The following ANKS1B variants were observed in gnomAD, a reference collection of about 807,000 sequenced individuals.
ANKS1B encodes ankyrin repeat and sterile alpha motif domain containing 1B, also known as ankyrin repeat and sterile alpha motif domain-containing protein 1B.
Under a neutral mutation model 148.3 loss-of-function variants are expected in ANKS1B, and 36 were observed. The observed-to-expected ratio is 0.24, with a 90% CI of 0.19 to 0.32. The LOEUF is 0.32. ANKS1B is among the 10% of genes least tolerant of loss of function. The pLI is 1.00. For synonymous variants in ANKS1B, 542 were observed against 560.8 expected (o/e 0.97, Z 0.47); for missense variants, 1,157 against 1,542.6 (o/e 0.75, Z 4.19).
chr12:99,366,383 C>T (rs971393007), intron 12 of ANKS1B, among the ~76,000 whole-genome samples: 2 of 152,136 alleles, frequency 1.3e-5, no homozygotes, highest in Admixed American at 6.6e-5. Context: ...TAGGTCACCT[C>T]GCTGCCCCCA....
Position 99,947,079 on chromosome 12 carries a change from T to C in ANKS1B, c.134+37025A>G, listed in dbSNP as rs573314855. ...AGGAAGAGTCTTATGCTAACAAAGC[T>C]GCCTAGGAAAATTAAGTTGTACTGC... On this transcript the variant is annotated intron_variant, in intron 1 of 26. Coordinates refer to ENST00000683438, the MANE Select transcript of ANKS1B (RefSeq NM_001352186.2). Among the ~76,000 whole-genome samples, 4 of 152,092 alleles carry C rather than the reference T, an allele frequency of 2.6e-5. No homozygotes were observed. In the East Asian group the frequency reaches 7.7e-4, roughly 29 times the overall value.
At chr12:99,912,820 T>C (rs1406111977) in intron 1 of ANKS1B, among the ~76,000 whole-genome samples, 6 of 152,224 alleles carry the variant, frequency 3.9e-5, no homozygotes, top group African/African-American at 1.2e-4. Context: ...CATATGGCAC[T>C]ATACTGAATG....
At chr12:99,428,241 G>A (rs754722304) in intron 11 of ANKS1B, among the ~76,000 whole-genome samples, 4 of 152,018 alleles carry the variant, frequency 2.6e-5, no homozygotes, top group South Asian at 2.1e-4. Context: ...AAGGTGAGAA[G>A]GGTATCCATC....
rs188316888 is a variant in ANKS1B at position 99,623,094 on chromosome 12, A to G, written c.1272+31973T>C. On this transcript the variant is annotated intron_variant, in intron 9 of 26. Transcript: ENST00000683438. ...CATTCCTGGGATGCAAAGTTGGCTC[A>G]ATATATATAAATCAATAATTGTAAT... Among the ~76,000 whole-genome samples the G allele has an allele frequency of 2.1e-3, 317 of 152,208 alleles. 1 individual carries two copies. Among genetic ancestry groups the G allele is most frequent in the African/African-American group, 7.3e-3 (302 of 41,568 alleles).
chr12:99,179,102 T>G (rs2078776420), intron 14 of ANKS1B, among the ~76,000 whole-genome samples: 1 of 152,054 alleles, frequency 6.6e-6, no homozygotes, highest in Admixed American at 6.6e-5. Context: ...ATTGACTAAG[T>G]GTGATGATAG....
intron 17 of ANKS1B, among the ~76,000 whole-genome samples, chr12:99,045,544 G>C (rs557599580): frequency 6.6e-6 from 1 of 152,300 alleles, no homozygotes; most frequent in African/African-American, 2.4e-5. Flanking sequence ...TGATACCCAG[G>C]TGCCAACACG....
chr12:99,446,384 T>C (rs940413954), intron 10 of ANKS1B, among the ~76,000 whole-genome samples: 6 of 152,110 alleles, frequency 3.9e-5, no homozygotes, highest in African/African-American at 1.4e-4. Context: ...GGGAGTGACA[T>C]AATAATAGAT....
intron 11 of ANKS1B, among the ~76,000 whole-genome samples, chr12:99,440,615 T>C (rs776350393): frequency 6.6e-6 from 1 of 151,784 alleles, no homozygotes; most frequent in Non-Finnish European, 1.5e-5. Flanking sequence ...AAACACAGGA[T>C]GCAGAACTAA....
intron 9 of ANKS1B, among the ~76,000 whole-genome samples, chr12:99,609,164 C>CA (rs1200526807): frequency 6.6e-6 from 1 of 152,062 alleles, no homozygotes; most frequent in African/African-American, 2.4e-5. Context: ...CAGAGAAACT[C>CA]AGACACCTTA....
At chr12:99,657,644 A>AATATAT (rs1195776897) in intron 8 of ANKS1B, among the ~76,000 whole-genome samples, 1 of 90,002 alleles carries the variant, frequency 1.1e-5, no homozygotes, top group East Asian at 4.7e-4. Context: ...AATCTGAAAG[A>AATATAT]GTATATATAT....
At chr12:99,122,993 A>ATATATATATATATATATATATATATATAT (rs57985878) in intron 15 of ANKS1B, among the ~76,000 whole-genome samples, 28 of 138,170 alleles carry the variant, frequency 2.0e-4, no homozygotes, top group South Asian at 9.3e-4. Flanking sequence ...AAAATTAAAA[A>ATATATATATATATATATATATATATATAT]AAAAATATAT....
chr12:99,456,799 T>C (rs757040677), intron 10 of ANKS1B, among the ~76,000 whole-genome samples: 3 of 152,132 alleles, frequency 2.0e-5, no homozygotes, highest in Admixed American at 6.5e-5. Flanking sequence ...CTAAAACTAA[T>C]TGATGTTCCC....
chr12:98,943,611 T>C (rs1035938792), intron 17 of ANKS1B, among the ~76,000 whole-genome samples: 2 of 152,190 alleles, frequency 1.3e-5, no homozygotes, highest in African/African-American at 2.4e-5. Flanking sequence ...CTTCCCATGC[T>C]ACCATCTCTC....
chr12:99,184,835 G>A (rs573477343), intron 14 of ANKS1B, among the ~76,000 whole-genome samples: 1 of 152,238 alleles, frequency 6.6e-6, no homozygotes, highest in East Asian at 1.9e-4. Flanking sequence ...TGAGCCTCAG[G>A]TTTCGTATTT....
chr12:98,918,122 T>C (rs1452397028), intron 17 of ANKS1B, among the ~76,000 whole-genome samples: 1 of 152,246 alleles, frequency 6.6e-6, no homozygotes, highest in Non-Finnish European at 1.5e-5. Context: ...GCATAAGGAC[T>C]ATTTCCTGCA....
chr12:99,375,628 A>G (rs1453037732), intron 12 of ANKS1B, among the ~76,000 whole-genome samples: 4 of 152,178 alleles, frequency 2.6e-5, no homozygotes, highest in African/African-American at 9.7e-5. Flanking sequence ...CAAATTTCCA[A>G]CTGTGTTATT....
chr12:99,770,678 T>TA (rs796505295), intron 8 of ANKS1B, among the ~76,000 whole-genome samples: 1,860 of 148,668 alleles, frequency 0.013, 43 homozygotes, highest in African/African-American at 0.039. Context: ...TCTCATTTCT[T>TA]AAAAAAAAAA....
chr12:98,814,940 C>T lies in ANKS1B; in HGVS notation c.3067-7022G>A, dbSNP rs74847384. 4.2e-4 allele frequency among the ~76,000 whole-genome samples: 64 copies of T among 152,318 alleles called. 1 individual carries two copies. In the East Asian group the frequency reaches 9.3e-3, roughly 22 times the overall value. On this transcript the variant is annotated intron_variant, in intron 19 of 26. Transcript: ENST00000683438. ...TTTTCTTAAAATGCAATGCATGTCT[C>T]GCTCTTGTTACCGTCTTATACTTTC... is the stretch of plus-strand genomic sequence containing the variant.
intron 9 of ANKS1B, among the ~76,000 whole-genome samples, chr12:99,635,654 T>C (rs879372989): frequency 3.3e-5 from 5 of 152,122 alleles, no homozygotes; most frequent in Non-Finnish European, 5.9e-5. Context: ...CAGATTTCCA[T>C]AATAAAAAAA....
Sources: gnomAD v4.1 joint callset for allele counts (sites outside exome capture counted in the v4.1 genomes callset) on GRCh38, gnomAD v4.1.1 for gene constraint, MANE v1.5 for transcripts, NCBI Gene and HGNC (gene_info 2026-07-23, HGNC 2026-07-21) for gene names.